DOK6: variants seen among roughly 807,000 people sequenced by gnomAD.
DOK6 encodes downstream of tyrosine kinase 6.
A neutral mutation model predicts 44.0 loss-of-function variants in DOK6; 22 were observed. That is an observed-to-expected ratio of 0.50 (90% CI 0.36 to 0.71). DOK6 has a LOEUF of 0.71. DOK6 is among the 30% of genes least tolerant of loss of function. DOK6 has a pLI of 0.00. For missense variants in DOK6, 340 were observed against 416.4 expected (o/e 0.82, Z 1.60); for synonymous variants, 166 against 145.5 (o/e 1.14, Z -1.01).
At chr18:69,579,412 C>T (rs1983311903) in intron 2 of DOK6, among the ~76,000 whole-genome samples, 1 of 152,056 alleles carries the variant, frequency 6.6e-6, no homozygotes, top group African/African-American at 2.4e-5. Context: ...CTGGAATTCT[C>T]TAATTGTTTT....
intron 6 of DOK6, among the ~76,000 whole-genome samples, chr18:69,740,481 T>G (rs569472121): frequency 1.8e-4 from 28 of 152,202 alleles, no homozygotes; most frequent in Non-Finnish European, 3.1e-4. Context: ...CTGTACTTCT[T>G]TACTTATAGT....
intron 1 of DOK6, among the ~76,000 whole-genome samples, chr18:69,549,165 GT>G (rs568249009): frequency 2.4e-4 from 37 of 151,102 alleles, no homozygotes; most frequent in African/African-American, 7.7e-4. Context: ...GCTGCTTGGA[GT>G]TCTGAATCTG....
At chr18:69,654,025 G>A (rs925530242) in intron 3 of DOK6, among the ~76,000 whole-genome samples, 1 of 152,058 alleles carries the variant, frequency 6.6e-6, no homozygotes, top group Non-Finnish European at 1.5e-5. Flanking sequence ...GAATTGAGAC[G>A]TCTAAAAAAT....
rs1978970768 is a variant in DOK6 at position 69,745,957 on chromosome 18, CA to C, written c.738+6855del. On this transcript the variant is annotated intron_variant, in intron 6 of 7. Coordinates refer to ENST00000382713, the MANE Select transcript of DOK6 (RefSeq NM_152721.6). The stretch of plus-strand genomic sequence containing the variant: ...CTTAACGATAGCCTCTAGATATTTA[CA>C]TTTTTTTAATTTAGAAAGAGCCCAA... Among the ~76,000 whole-genome samples, 3 of 152,294 alleles carry C rather than the reference CA, an allele frequency of 2.0e-5. No individual in the cohort carries two copies. In the South Asian group the frequency reaches 6.2e-4, roughly 32 times the overall value.
In DOK6 at chr18:69,743,279, C is replaced by T. The variant is rs144512581; in HGVS notation, c.738+4176C>T. ...ATATGTTCATCTCTAGAAATGTTTC[C>T]ATTTCACAGAGATCATTCTTGTTCT... On this transcript the variant is annotated intron_variant, in intron 6 of 7. Transcript: ENST00000382713. Among the ~76,000 whole-genome samples, 101 of 152,284 alleles carry T rather than the reference C, an allele frequency of 6.6e-4. 1 individual carries two copies. The highest frequency in any genetic ancestry group is 2.4e-3 in the African/African-American group (98 of 41,570).
At chr18:69,708,579 G>A (rs1174804995) in intron 5 of DOK6, among the ~76,000 whole-genome samples, 1 of 152,188 alleles carries the variant, frequency 6.6e-6, no homozygotes, top group African/African-American at 2.4e-5. Context: ...GATGTCAGGA[G>A]TTCGAGACCA....
intron 3 of DOK6, among the ~76,000 whole-genome samples, chr18:69,611,822 G>A (rs1177132313): frequency 6.6e-6 from 1 of 152,126 alleles, no homozygotes; most frequent in African/African-American, 2.4e-5. Context: ...TAGGAATGGG[G>A]CTGGAACCTT....
intron 4 of DOK6, among the ~76,000 whole-genome samples, chr18:69,694,091 T>A (rs865969083): frequency 1.4e-3 from 164 of 117,534 alleles, no homozygotes; most frequent in South Asian, 7.0e-3. Flanking sequence ...AAAAAAAAAA[T>A]TGATCTATTT....
At chr18:69,682,542 A>G (rs931714939) in intron 4 of DOK6, among the ~76,000 whole-genome samples, 10 of 152,180 alleles carry the variant, frequency 6.6e-5, no homozygotes, top group Non-Finnish European at 1.3e-4. Context: ...AGATAACAGT[A>G]ATGCATGATA....
rs558838528 is a variant in DOK6, at chr18:69,423,540, C to T, written c.66+22230C>T. 2.6e-5 allele frequency among the ~76,000 whole-genome samples: 4 copies of T among 152,290 alleles called. No individual in the cohort carries two copies. The East Asian group carries it at 7.7e-4, about 29-fold the overall frequency. On this transcript the variant is annotated intron_variant, in intron 1 of 7. Coordinates refer to ENST00000382713, the MANE Select transcript of DOK6 (RefSeq NM_152721.6). ...GATTTTGCTATTACAAACCATGCTT[C>T]AACAAACATATAATTATCCTTGATT...
rs575502175 is a variant in DOK6, at chr18:69,687,238, C to T, written c.409+9385C>T. ...ACACCCTGACCAATGTTGGCGTAGC[C>T]CAATAATGCAAAGAATCCCAGAAAT... On this transcript the variant is annotated intron_variant, in intron 4 of 7. Transcript: ENST00000382713. Among the ~76,000 whole-genome samples, 12 of 152,090 alleles carry T rather than the reference C, an allele frequency of 7.9e-5. No homozygotes were observed. In the South Asian group the frequency reaches 2.3e-3, roughly 29 times the overall value.
intron 7 of DOK6, among the ~76,000 whole-genome samples, chr18:69,763,630 G>A (rs1979630503): frequency 6.6e-6 from 1 of 151,944 alleles, no homozygotes; most frequent in South Asian, 2.1e-4. Context: ...CACAGGAAAG[G>A]GTAAAAAGAA....
At chr18:69,586,397 A>G (rs1309238928) in intron 2 of DOK6, among the ~76,000 whole-genome samples, 3 of 152,156 alleles carry the variant, frequency 2.0e-5, no homozygotes, top group Non-Finnish European at 4.4e-5. Context: ...TCAGCCTAGC[A>G]TCTCAGGTTG....
In DOK6 at chr18:69,598,645, G is replaced by T. The variant is rs978502414; in HGVS notation, c.175-739G>T. On this transcript the variant is annotated intron_variant, in intron 2 of 7. Transcript: ENST00000382713. ...ATTGCAATGTTGTGTTTGCAGAGTT[G>T]TTGAGGAAATATACATTTGTTTGTT... 2.1e-4 allele frequency among the ~76,000 whole-genome samples: 32 copies of T among 152,212 alleles called. 1 individual carries two copies. The highest frequency in any genetic ancestry group is 1.8e-3 in the Admixed American group (28 of 15,282).
At chr18:69,507,770 C>A (rs1981236450) in intron 1 of DOK6, among the ~76,000 whole-genome samples, 1 of 152,060 alleles carries the variant, frequency 6.6e-6, no homozygotes, top group South Asian at 2.1e-4. Context: ...AAAGTTCATG[C>A]ATGTTCTTTG....
At chr18:69,809,970 T>C (rs1165226670) in intron 7 of DOK6, among the ~76,000 whole-genome samples, 7 of 151,886 alleles carry the variant, frequency 4.6e-5, no homozygotes, top group African/African-American at 1.2e-4. Flanking sequence ...TTTTATAAAA[T>C]TGAAAAAACA....
At chr18:69,543,843 A>G (rs1379906029) in intron 1 of DOK6, among the ~76,000 whole-genome samples, 1 of 151,644 alleles carries the variant, frequency 6.6e-6, no homozygotes, top group African/African-American at 2.4e-5. Context: ...ATTATAAAGC[A>G]TGTACATTTT....
intron 3 of DOK6, among the ~76,000 whole-genome samples, chr18:69,608,265 T>C (rs2144628406): frequency 6.6e-6 from 1 of 152,368 alleles, no homozygotes; most frequent in African/African-American, 2.4e-5. Flanking sequence ...TTGAATAGCT[T>C]ATTCTTTGAC....
At chr18:69,737,751 G>A (rs1023887788) in intron 5 of DOK6, among the ~76,000 whole-genome samples, 36 of 152,218 alleles carry the variant, frequency 2.4e-4, no homozygotes, top group African/African-American at 8.7e-4. Context: ...GCTCTTGCGC[G>A]GGGCAGAGTC....
Sources: allele counts gnomAD v4.1 joint callset (sites outside exome capture counted in the v4.1 genomes callset), GRCh38; gene constraint gnomAD v4.1.1; transcripts MANE v1.5; gene names NCBI Gene and HGNC (gene_info 2026-07-23, HGNC 2026-07-21).